PRKCH: variants seen among roughly 807,000 people sequenced by gnomAD.
PRKCH encodes protein kinase C eta type.
PRKCH carries 28 observed loss-of-function variants against 82.5 expected under a neutral mutation model. The ratio of observed to expected loss-of-function variants is 0.34; its 90% confidence interval spans 0.25 to 0.47. The LOEUF (loss-of-function observed/expected upper bound fraction) is 0.47, where lower values mean the gene tolerates loss of function less well. Among genes scored for constraint, PRKCH ranks in the 20% least tolerant of loss-of-function variants. PRKCH has a pLI of 1.00. For synonymous variants in PRKCH, 322 were observed against 327.4 expected, an observed-to-expected ratio of 0.98 and a Z score of 0.18; for missense variants, 705 against 881.8, an observed-to-expected ratio of 0.80 and a Z score of 2.54.
chr14:61,386,489 C>T (rs1040871331), intron 1 of PRKCH, among the ~76,000 whole-genome samples: 3 of 151,984 alleles, frequency 2.0e-5, no homozygotes, highest in African/African-American at 7.3e-5. Context: ...CGAGAGTGGA[C>T]GTGTTGGGAT....
chr14:61,509,823 G>C (rs1887299307), intron 10 of PRKCH, among the ~76,000 whole-genome samples: 2 of 152,162 alleles, frequency 1.3e-5, no homozygotes, highest in African/African-American at 4.8e-5. Flanking sequence ...GCTGAGGCAG[G>C]AGGATCACTT....
intron 5 of PRKCH, 128 bp from the exon 6 acceptor site, chr14:61,450,714 C>G (rs1884467053): frequency 9.1e-7 from 1 of 1,097,902 alleles, no homozygotes. Flanking sequence ...GGGCTGAGTA[C>G]AGTAAAATAA....
chr14:61,281,285 G>C lies in PRKCH; in HGVS notation c.-19+93617G>C, dbSNP rs993980708. On this transcript the variant is annotated intron_variant, in intron 1 of 3. Coordinates refer to the PRKCH transcript ENST00000555185. ...CCAGCTCAGGTGGGTTTTTGCCCGG[G>C]CCCCTCCTCTGCCTCCGTCACAGGT... is the stretch of plus-strand genomic sequence containing the variant. 5.8e-5 allele frequency: 25 copies of C among 427,904 alleles called. No individual in the cohort carries two copies. The South Asian group carries it at 2.4e-3, about 42-fold the overall frequency. The allele number at this position is 427,904 out of a possible 1,614,324, so 26.5% of individuals were successfully genotyped here.
chr14:61,541,371 AT>A (rs2043182879), intron 12 of PRKCH, among the ~76,000 whole-genome samples: 1 of 152,136 alleles, frequency 6.6e-6, no homozygotes, highest in South Asian at 2.1e-4. Flanking sequence ...ACCGCACTCT[AT>A]TCTGTGTCCT....
rs1332053769 is a variant in PRKCH at position 61,280,369 on chromosome 14, G to A, written c.-19+92701G>A. The stretch of plus-strand genomic sequence containing the variant: ...GCGCGCGTACAGTTTGCGGAACGTG[G>A]GCAGCGCCGCCGTGCGCATCCACAC... On this transcript the variant is annotated intron_variant, in intron 1 of 3. Transcript: ENST00000555185. This position sits in a 1 kb window ranked among gnomAD's most constrained non-coding sequence, Gnocchi z 5.0. 6.2e-7 allele frequency: 1 copy of A among 1,613,882 alleles called. No homozygotes were observed. Among genetic ancestry groups the A allele is most frequent in the African/African-American group, 1.3e-5 (1 of 74,948 alleles).
At chr14:61,442,857 G>C (rs966598379) in intron 2 of PRKCH, 1 of 308,506 alleles carries the variant, frequency 3.2e-6, no homozygotes, top group Non-Finnish European at 6.1e-6. Context: ...AGCATCACTT[G>C]GGCCTGAGAG....
chr14:61,459,016 G>T (rs1884912765), intron 9 of PRKCH, among the ~76,000 whole-genome samples: 1 of 152,162 alleles, frequency 6.6e-6, no homozygotes, highest in Admixed American at 6.5e-5. Flanking sequence ...GACCATGATT[G>T]GTTCACACCA....
chr14:61,268,105 A>C (rs1303325536), intron 1 of PRKCH, among the ~76,000 whole-genome samples: 1 of 152,204 alleles, frequency 6.6e-6, no homozygotes, highest in Non-Finnish European at 1.5e-5. Context: ...GTTATTGTAC[A>C]CAATGCAGTG....
intron 9 of PRKCH, among the ~76,000 whole-genome samples, chr14:61,474,515 A>G (rs182374262): frequency 3.3e-5 from 5 of 152,044 alleles, no homozygotes; most frequent in African/African-American, 9.6e-5. Flanking sequence ...AGTTGAACAC[A>G]TGGACACAGG....
At chr14:61,217,865 T>C (rs2140050575) in intron 1 of PRKCH, among the ~76,000 whole-genome samples, 1 of 152,354 alleles carries the variant, frequency 6.6e-6, no homozygotes, top group African/African-American at 2.4e-5. Context: ...AAAGAATTCC[T>C]GTTCTTTTAA....
chr14:61,389,841 G>A (rs1002112849), intron 1 of PRKCH, among the ~76,000 whole-genome samples: 4 of 148,354 alleles, frequency 2.7e-5, no homozygotes, highest in African/African-American at 1.0e-4. Flanking sequence ...TCTTGGCCTG[G>A]TCTAGTAGGG....
intron 7 of PRKCH, among the ~76,000 whole-genome samples, chr14:61,455,365 T>C (rs1169257207): frequency 6.6e-6 from 1 of 152,182 alleles, no homozygotes; most frequent in African/African-American, 2.4e-5. Flanking sequence ...GAATTGCCAC[T>C]ACGATAAATG....
intron 2 of PRKCH, among the ~76,000 whole-genome samples, chr14:61,402,148 T>C (rs1881657269): frequency 6.6e-6 from 1 of 152,236 alleles, no homozygotes; most frequent in African/African-American, 2.4e-5. Flanking sequence ...TTATGAGATA[T>C]GTCAACATTT....
At chr14:61,236,187 T>G (rs1331696608) in intron 1 of PRKCH, among the ~76,000 whole-genome samples, 2 of 152,146 alleles carry the variant, frequency 1.3e-5, no homozygotes, top group African/African-American at 4.8e-5. Flanking sequence ...CTGGCCAACA[T>G]GGTGAAACCC....
At chr14:61,257,424 T>C (rs2045007506) in intron 1 of PRKCH, among the ~76,000 whole-genome samples, 1 of 152,130 alleles carries the variant, frequency 6.6e-6, no homozygotes, top group Admixed American at 6.6e-5. Flanking sequence ...TAAATTGGAC[T>C]TAGAGACCCC....
chr14:61,439,320 T>C (rs1883835582), intron 2 of PRKCH, among the ~76,000 whole-genome samples: 2 of 152,144 alleles, frequency 1.3e-5, no homozygotes, highest in Middle Eastern at 6.8e-3. Context: ...GCTGTTTCCT[T>C]TTGCTCATGG....
At position 61,505,907 on chromosome 14, in the gene PRKCH, C is replaced by G. The variant is rs530263455; in HGVS notation, c.1433+20251C>G. On this transcript the variant is annotated intron_variant, in intron 10 of 13. Transcript: ENST00000332981. The stretch of plus-strand genomic sequence containing the variant: ...GACACTCCTGTCTCATGGTTCTAAC[C>G]AGAGGGGACTTGCATATCCATTCAC... 1.3e-4 allele frequency among the ~76,000 whole-genome samples: 20 copies of G among 152,184 alleles called. No individual in the cohort carries two copies. In the East Asian group the frequency reaches 3.5e-3, roughly 26 times the overall value.
At chr14:61,459,649 C>T (rs1884940975) in intron 9 of PRKCH, among the ~76,000 whole-genome samples, 2 of 152,240 alleles carry the variant, frequency 1.3e-5, no homozygotes, top group African/African-American at 2.4e-5. Flanking sequence ...TAATTTCTTG[C>T]GATAGGTAAT....
chr14:61,283,202 G>C (rs1327145289), intron 1 of PRKCH, among the ~76,000 whole-genome samples: 1 of 151,994 alleles, frequency 6.6e-6, no homozygotes, highest in Non-Finnish European at 1.5e-5. Context: ...TTTTCTAGTA[G>C]ATCACCACCA....
Sources: gnomAD v4.1 joint callset for allele counts (sites outside exome capture counted in the v4.1 genomes callset) on GRCh38, gnomAD v4.1.1 for gene constraint, Gnocchi (gnomAD v3.1) non-coding constraint, MANE v1.5 for transcripts, NCBI Gene and HGNC (gene_info 2026-07-23, HGNC 2026-07-21) for gene names.